The following PDZRN4 variants were observed in gnomAD, a reference collection of about 807,000 sequenced individuals.
The protein encoded by PDZRN4 is PDZ domain containing ring finger 4.
Under a neutral mutation model 99.0 loss-of-function variants are expected in PDZRN4, and 70 were observed. That is an observed-to-expected ratio of 0.71 (90% CI 0.58 to 0.86). PDZRN4 has a LOEUF of 0.86. Among genes scored for constraint, PDZRN4 ranks in the 40% least tolerant of loss-of-function variants. PDZRN4 has a pLI of 0.00. For missense variants in PDZRN4, 1,474 were observed against 1,331.2 expected (o/e 1.11, Z -1.67); for synonymous variants, 551 against 501.6 (o/e 1.10, Z -1.32).
intron 3 of PDZRN4, among the ~76,000 whole-genome samples, chr12:41,263,042 T>G (rs1038658555): frequency 6.6e-6 from 1 of 152,122 alleles, no homozygotes; most frequent in Non-Finnish European, 1.5e-5. Flanking sequence ...ATAGATTACC[T>G]CATGCTTAAG....
At chr12:41,200,891 A>C (rs957459929) in intron 3 of PDZRN4, among the ~76,000 whole-genome samples, 2 of 152,098 alleles carry the variant, frequency 1.3e-5, no homozygotes, top group African/African-American at 2.4e-5. Flanking sequence ...GTTCCATCGT[A>C]GTATCCGAAC....
intron 3 of PDZRN4, among the ~76,000 whole-genome samples, chr12:41,347,631 T>C (rs539632358): frequency 2.0e-5 from 3 of 149,296 alleles, no homozygotes; most frequent in African/African-American, 7.3e-5. Flanking sequence ...TTTAGCTGCA[T>C]AAATTTTTAA....
At chr12:41,460,698 C>G (rs530549858) in intron 3 of PDZRN4, among the ~76,000 whole-genome samples, 2 of 152,064 alleles carry the variant, frequency 1.3e-5, no homozygotes, top group Non-Finnish European at 2.9e-5. Flanking sequence ...ACCATATATA[C>G]GTAGATGTAA....
intron 3 of PDZRN4, among the ~76,000 whole-genome samples, chr12:41,263,673 C>A (rs11180534): frequency 0.099 from 15,039 of 152,032 alleles, 859 homozygotes; most frequent in East Asian, 0.17. Flanking sequence ...GGCAACAGAG[C>A]AAAATTCAGT....
intron 3 of PDZRN4, among the ~76,000 whole-genome samples, chr12:41,462,340 T>C (rs947297194): frequency 6.6e-5 from 10 of 152,232 alleles, no homozygotes; most frequent in Admixed American, 5.9e-4. Flanking sequence ...TTCTTATGTA[T>C]ATTTCTCATA....
intron 3 of PDZRN4, among the ~76,000 whole-genome samples, chr12:41,328,602 T>G (rs1951724290): frequency 1.3e-5 from 2 of 152,172 alleles, no homozygotes; most frequent in Admixed American, 1.3e-4. Flanking sequence ...AAACATTGGT[T>G]GTTAAAAATC....
chr12:41,278,611 C>A (rs1333365531), intron 3 of PDZRN4, among the ~76,000 whole-genome samples: 1 of 151,732 alleles, frequency 6.6e-6, no homozygotes, highest in African/African-American at 2.4e-5. Flanking sequence ...GCTTCAGTAA[C>A]TTTTAATTAT....
At chr12:41,546,539 G>T (rs1237087791) in intron 5 of PDZRN4, among the ~76,000 whole-genome samples, 8 of 152,166 alleles carry the variant, frequency 5.3e-5, no homozygotes, top group Admixed American at 4.6e-4. Flanking sequence ...AGAAGAACAT[G>T]TCAAACTATA....
intron 3 of PDZRN4, among the ~76,000 whole-genome samples, chr12:41,237,900 G>T (rs6582281): frequency 6.6e-6 from 1 of 151,960 alleles, no homozygotes; most frequent in Non-Finnish European, 1.5e-5. Context: ...GTTGGGTAGC[G>T]TGATGCCTCC....
intron 3 of PDZRN4, among the ~76,000 whole-genome samples, chr12:41,343,586 A>G (rs929027833): frequency 6.9e-6 from 1 of 144,100 alleles, no homozygotes. Flanking sequence ...GGAGAGGGGA[A>G]GTGGGGGAGG....
intron 5 of PDZRN4, among the ~76,000 whole-genome samples, chr12:41,510,541 T>A (rs1221317196): frequency 6.6e-6 from 1 of 152,154 alleles, no homozygotes; most frequent in African/African-American, 2.4e-5. Flanking sequence ...TGTATCCTAA[T>A]ATTTCCTCTG....
In PDZRN4 at chr12:41,299,861, C is replaced by T. The variant is rs79403403; in HGVS notation, c.843+105673C>T. ...ATTTTTTATCTTTGTACTGCAATAACAGTTGATAGATAATACTATTTTATG... is the reference window on the plus strand; with the variant it reads ...ATTTTTTATCTTTGTACTGCAATAATAGTTGATAGATAATACTATTTTATG... On this transcript the variant is annotated intron_variant, in intron 3 of 9. Coordinates refer to ENST00000402685, the MANE Select transcript of PDZRN4 (RefSeq NM_001164595.2). Among the ~76,000 whole-genome samples, 1,418 of 152,056 alleles carry T rather than the reference C, an allele frequency of 9.3e-3. 8 individuals carry two copies. The highest frequency in any genetic ancestry group is 0.015 in the Non-Finnish European group (1,052 of 67,886).
chr12:41,331,584 G>C (rs1169573382), intron 3 of PDZRN4, among the ~76,000 whole-genome samples: 1 of 152,058 alleles, frequency 6.6e-6, no homozygotes, highest in African/African-American at 2.4e-5. Flanking sequence ...TTGGCATTCA[G>C]CGATTTCTAT....
chr12:41,500,951 C>G (rs1304660123), intron 3 of PDZRN4, among the ~76,000 whole-genome samples: 1 of 152,144 alleles, frequency 6.6e-6, no homozygotes. Context: ...AGAATTGACT[C>G]TGCGTCACTT....
At chr12:41,519,303 C>G (rs551579729) in intron 5 of PDZRN4, among the ~76,000 whole-genome samples, 25 of 152,158 alleles carry the variant, frequency 1.6e-4, no homozygotes, top group Non-Finnish European at 3.1e-4. Flanking sequence ...TACGGTGTTG[C>G]TGGGCTCTCA....
intron 3 of PDZRN4, among the ~76,000 whole-genome samples, chr12:41,342,103 A>G (rs997508837): frequency 1.3e-5 from 2 of 151,968 alleles, no homozygotes; most frequent in Non-Finnish European, 2.9e-5. Context: ...TGGGAAAAAG[A>G]TAGTTTATTC....
At chr12:41,351,980 A>AAAATAAATAAATAAAT (rs138301663) in intron 3 of PDZRN4, among the ~76,000 whole-genome samples, 46,026 of 142,706 alleles carry the variant, frequency 0.32, 8,621 homozygotes, top group East Asian at 0.46. Flanking sequence ...CCATTGTCTC[A>AAAATAAATAAATAAAT]AAATAAATAA....
chr12:41,477,321 T>C (rs1210097196), intron 3 of PDZRN4, among the ~76,000 whole-genome samples: 1 of 152,180 alleles, frequency 6.6e-6, no homozygotes, highest in Non-Finnish European at 1.5e-5. Context: ...AAATAGTAAG[T>C]AGCCGTGATT....
intron 3 of PDZRN4, among the ~76,000 whole-genome samples, chr12:41,226,021 C>A (rs964286265): frequency 8.6e-5 from 13 of 152,018 alleles, no homozygotes; most frequent in Non-Finnish European, 1.8e-4. Flanking sequence ...CATTCTGAGT[C>A]TCTTTATTCC....
Sources: allele counts gnomAD v4.1 joint callset (sites outside exome capture counted in the v4.1 genomes callset), GRCh38; gene constraint gnomAD v4.1.1; transcripts MANE v1.5; gene names NCBI Gene and HGNC (gene_info 2026-07-23, HGNC 2026-07-21).